The following CCDC171 variants were observed in gnomAD, a reference collection of about 807,000 sequenced individuals.
CCDC171 encodes coiled-coil domain containing 171.
In CCDC171, 177 loss-of-function variants were observed where a neutral mutation model predicts 168.2. The ratio of observed to expected loss-of-function variants is 1.05; its 90% CI spans 0.93 to 1.19. The LOEUF (loss-of-function observed/expected upper bound fraction) is 1.19. Among genes scored for constraint, CCDC171 ranks in the 50% most tolerant of loss-of-function variants. CCDC171 has a pLI of 0.00. For synonymous variants in CCDC171, 687 were observed against 540.8 expected (o/e 1.27, Z -3.75); for missense variants, 1,991 against 1,539.0 (o/e 1.29, Z -4.91).
At chr9:15,576,463 C>T (rs2040673205) in intron 3 of CCDC171, among the ~76,000 whole-genome samples, 1 of 152,062 alleles carries the variant, frequency 6.6e-6, no homozygotes, top group Non-Finnish European at 1.5e-5. Flanking sequence ...GCTGGGATTG[C>T]AGGAGTGAGC....
At chr9:15,837,590 G>T (rs1588768410) in intron 21 of CCDC171, among the ~76,000 whole-genome samples, 2 of 152,186 alleles carry the variant, frequency 1.3e-5, no homozygotes, top group South Asian at 2.1e-4. Context: ...TCAAGAAACT[G>T]CCCAGAGGCT....
chr9:15,836,636 C>G (rs1403228589), intron 21 of CCDC171, among the ~76,000 whole-genome samples: 1 of 152,216 alleles, frequency 6.6e-6, no homozygotes, highest in African/African-American at 2.4e-5. Context: ...CAGGCGTGAG[C>G]CACCGCGCCC....
intron 24 of CCDC171, among the ~76,000 whole-genome samples, chr9:15,909,825 C>G (rs1563983625): frequency 6.6e-6 from 1 of 151,942 alleles, no homozygotes; most frequent in Non-Finnish European, 1.5e-5. Context: ...TAATGGTGGT[C>G]TTTTTATTTT....
chr9:15,776,213 C>G (rs2135368095), intron 18 of CCDC171: 1 of 152,170 alleles, frequency 6.6e-6, no homozygotes, highest in South Asian at 2.1e-4. Context: ...ACTTGCGTGT[C>G]ATCCTTGCGC....
chr9:16,013,442 G>A (rs1240607568), intron 3 of CCDC171, among the ~76,000 whole-genome samples: 1 of 152,092 alleles, frequency 6.6e-6, no homozygotes, highest in African/African-American at 2.4e-5. Context: ...ACTCACTAAG[G>A]CCTACCTTTG....
At chr9:15,714,726 G>T (rs1051739255) in intron 11 of CCDC171, among the ~76,000 whole-genome samples, 6 of 152,156 alleles carry the variant, frequency 3.9e-5, no homozygotes, top group African/African-American at 1.4e-4. Flanking sequence ...CAGGTCCCTA[G>T]GTCTGTGAAT....
rs575846976 is a variant in CCDC171, at chr9:15,644,518, C to T, written c.823-12609C>T. ...CTAAGGGAAGCTGTGACAGATGGCA[C>T]CTGGAAAATCGGGTCACTCCCACCC... is the stretch of plus-strand genomic sequence containing the variant. On this transcript the variant is annotated intron_variant, in intron 7 of 25. Coordinates refer to ENST00000380701, the MANE Select transcript of CCDC171 (RefSeq NM_173550.4). 7.9e-5 allele frequency among the ~76,000 whole-genome samples: 12 copies of T among 152,244 alleles called. No homozygotes were observed. In the East Asian group the frequency reaches 1.5e-3, roughly 20 times the overall value.
At chr9:15,711,351 A>G (rs980547373) in intron 11 of CCDC171, among the ~76,000 whole-genome samples, 1 of 152,120 alleles carries the variant, frequency 6.6e-6, no homozygotes, top group Non-Finnish European at 1.5e-5. Flanking sequence ...TGAGTTCTAT[A>G]AGTCTTTGAC....
chr9:15,606,306 C>G (rs1386845780), intron 6 of CCDC171, among the ~76,000 whole-genome samples: 1 of 152,178 alleles, frequency 6.6e-6, no homozygotes, highest in Non-Finnish European at 1.5e-5. Context: ...TAATGATTCA[C>G]TAACATTCTT....
intron 9 of CCDC171, among the ~76,000 whole-genome samples, chr9:15,667,041 C>T (rs2048784306): frequency 6.6e-6 from 1 of 152,184 alleles, no homozygotes; most frequent in Admixed American, 6.5e-5. Context: ...GGACATACAG[C>T]TCCTAAGTGG....
the CCDC171 span, among the ~76,000 whole-genome samples, chr9:16,075,958 A>G: frequency 1.3e-5 from 2 of 152,214 alleles, no homozygotes; most frequent in Non-Finnish European, 2.9e-5. Flanking sequence ...TGAAACTTTC[A>G]TGTATATGTA....
chr9:15,777,743 C>T lies in CCDC171; in HGVS notation c.2815C>T (p.Leu939=). ...TATTACATATGTAGAAAAAGATTCC[C>T]TGGTTCAGAGGCTGGCCCATGGACT... is the stretch of plus-strand genomic sequence containing the variant. The part of the protein sequence containing the change: ...RSITYVEKDS[L]VQRLAHGLHK... Residue 939 remains leucine (L), a synonymous_variant, in exon 19 of 26, where the codon CTG becomes TTG. Coordinates refer to ENST00000380701, the MANE Select transcript of CCDC171 (RefSeq NM_173550.4). The T allele has an allele frequency of 6.2e-7, 1 of 1,614,014 alleles. No homozygotes were observed. The highest frequency in any genetic ancestry group is 8.5e-7 in the Non-Finnish European group (1 of 1,180,014).
chr9:15,854,617 C>T (rs2061276200), intron 23 of CCDC171, among the ~76,000 whole-genome samples: 1 of 151,522 alleles, frequency 6.6e-6, no homozygotes, highest in Admixed American at 6.6e-5. Flanking sequence ...TTTCTCCCTT[C>T]TGTTTGCTTT....
At chr9:15,648,983 C>G (rs1227518602) in intron 7 of CCDC171, among the ~76,000 whole-genome samples, 1 of 152,164 alleles carries the variant, frequency 6.6e-6, no homozygotes, top group African/African-American at 2.4e-5. Flanking sequence ...CATCATGCTA[C>G]CTGACTTCAA....
chr9:15,638,725 C>T (rs537203413), intron 7 of CCDC171, among the ~76,000 whole-genome samples: 1 of 151,532 alleles, frequency 6.6e-6, no homozygotes, highest in Non-Finnish European at 1.5e-5. Context: ...ATCACTGTGT[C>T]TTAATCATCT....
At chr9:16,009,914 G>A (rs1243069902) in intron 3 of CCDC171, among the ~76,000 whole-genome samples, 1 of 152,098 alleles carries the variant, frequency 6.6e-6, no homozygotes. Flanking sequence ...CATTACAGGC[G>A]AATTGAATGC....
chr9:15,671,392 A>G (rs1302639037), intron 9 of CCDC171, among the ~76,000 whole-genome samples: 2 of 151,820 alleles, frequency 1.3e-5, no homozygotes, highest in Non-Finnish European at 2.9e-5. Context: ...ATACATGTAT[A>G]CAACGTGCAG....
downstream of CCDC171, among the ~76,000 whole-genome samples, chr9:16,066,383 G>A (rs1833990364): frequency 6.6e-6 from 1 of 151,878 alleles, no homozygotes; most frequent in South Asian, 2.1e-4. Context: ...AAATACTACA[G>A]CAAAAGGGAA....
intron 3 of CCDC171, among the ~76,000 whole-genome samples, chr9:15,578,358 C>T (rs1278503672): frequency 1.3e-5 from 2 of 150,232 alleles, no homozygotes; most frequent in African/African-American, 4.9e-5. Context: ...TCTCAGCCTC[C>T]TGAGTAGCTG....
Sources: gnomAD v4.1 joint callset for allele counts (sites outside exome capture counted in the v4.1 genomes callset) on GRCh38, gnomAD v4.1.1 for gene constraint, MANE v1.5 for transcripts, NCBI Gene and HGNC (gene_info 2026-07-23, HGNC 2026-07-21) for gene names.